EDIL3: variants seen among roughly 807,000 people sequenced by gnomAD.
The protein encoded by EDIL3 is EGF like and discoidin domains 3, also known as EGF-like repeat and discoidin I-like domain-containing protein 3.
In EDIL3, 37 loss-of-function variants were observed where a neutral mutation model predicts 67.4. That is an observed-to-expected ratio of 0.55 (90% CI 0.42 to 0.72). EDIL3 has a LOEUF of 0.72. Among genes scored for constraint, EDIL3 ranks in the 30% least tolerant of loss-of-function variants. EDIL3 has a pLI of 0.00. For synonymous variants in EDIL3, 195 were observed against 196.3 expected, an observed-to-expected ratio of 0.99 and a Z score of 0.05; for missense variants, 527 against 586.3, an observed-to-expected ratio of 0.90 and a Z score of 1.04.
chr5:84,054,405 G>A (rs1267720792), intron 9 of EDIL3, among the ~76,000 whole-genome samples: 4 of 152,248 alleles, frequency 2.6e-5, no homozygotes, highest in Middle Eastern at 3.4e-3. Context: ...CCACAAGACA[G>A]GGATGCCCTC....
chr5:84,060,372 T>C lies in EDIL3; in HGVS notation c.1065A>G (p.Lys355=), dbSNP rs147685138. 1.1e-5 allele frequency: 17 copies of C among 1,613,798 alleles called. No individual in the cohort carries two copies. Among genetic ancestry groups the C allele is most frequent in the Non-Finnish European group, 1.4e-5 (16 of 1,179,870 alleles). The change falls in exon 9 of 11, where the codon AAA becomes AAG. Residue 355 remains lysine (K), a synonymous_variant. Coordinates refer to ENST00000296591, the MANE Select transcript of EDIL3 (RefSeq NM_005711.5). The part of the protein sequence containing the change: ...NMDMFTWEPR[K]ARLDKQGKVN... Reference sequence around the variant, plus strand: ...CTTTGCCTTGCTTGTCCAGCCGAGCTTTCCTTGGTTCCCAAGTGAACATGT... The same window carrying C: ...CTTTGCCTTGCTTGTCCAGCCGAGCCTTCCTTGGTTCCCAAGTGAACATGT...
At chr5:84,369,348 G>A (rs1259626428) in intron 1 of EDIL3, among the ~76,000 whole-genome samples, 1 of 151,644 alleles carries the variant, frequency 6.6e-6, no homozygotes, top group Non-Finnish European at 1.5e-5. Flanking sequence ...AAAAAGGAAC[G>A]ACAACACAAC....
At chr5:83,960,789 G>A (rs887629837) in intron 10 of EDIL3, among the ~76,000 whole-genome samples, 1 of 150,868 alleles carries the variant, frequency 6.6e-6, no homozygotes, top group Non-Finnish European at 1.5e-5. Context: ...ATCTAAAAGA[G>A]TGCAAAAATA....
intron 4 of EDIL3, among the ~76,000 whole-genome samples, chr5:84,178,210 T>G (rs1748953793): frequency 6.6e-6 from 1 of 152,186 alleles, no homozygotes; most frequent in South Asian, 2.1e-4. Flanking sequence ...TCAGTGTATA[T>G]GAGAGTCAAC....
chr5:84,160,658 T>G (rs1360460810), intron 4 of EDIL3, among the ~76,000 whole-genome samples: 1 of 152,074 alleles, frequency 6.6e-6, no homozygotes, highest in African/African-American at 2.4e-5. Flanking sequence ...CTCCCAGTTA[T>G]TCCCAGTTTA....
intron 3 of EDIL3, among the ~76,000 whole-genome samples, chr5:84,210,066 A>G (rs1744087417): frequency 6.6e-6 from 1 of 152,248 alleles, no homozygotes; most frequent in Non-Finnish European, 1.5e-5. Context: ...TTTACAGGTT[A>G]AAATTAGCAT....
chr5:84,183,683 AG>A (rs759284224), intron 3 of EDIL3, among the ~76,000 whole-genome samples: 3 of 152,186 alleles, frequency 2.0e-5, no homozygotes, highest in Non-Finnish European at 4.4e-5. Context: ...ATTACCGAAG[AG>A]AGTGGAGTAA....
chr5:84,189,294 T>G (rs1403431746), intron 3 of EDIL3, among the ~76,000 whole-genome samples: 1 of 151,772 alleles, frequency 6.6e-6, no homozygotes, highest in Admixed American at 6.6e-5. Context: ...GGAGGACACA[T>G]TAAGAAAGGA....
At chr5:84,316,791 A>C (rs1052582063) in intron 1 of EDIL3, among the ~76,000 whole-genome samples, 7 of 152,132 alleles carry the variant, frequency 4.6e-5, no homozygotes, top group Non-Finnish European at 7.4e-5. Context: ...CTCCACCCTA[A>C]ATCAACAGAA....
intron 6 of EDIL3, among the ~76,000 whole-genome samples, chr5:84,091,125 C>T (rs1024937273): frequency 1.3e-5 from 2 of 152,110 alleles, no homozygotes; most frequent in Non-Finnish European, 2.9e-5. Flanking sequence ...GAAGAGGTTA[C>T]AAATGCTTTA....
At chr5:84,003,368 T>G (rs1745363827) in intron 9 of EDIL3, among the ~76,000 whole-genome samples, 1 of 152,126 alleles carries the variant, frequency 6.6e-6, no homozygotes, top group Non-Finnish European at 1.5e-5. Flanking sequence ...ACAAAAAGCC[T>G]GAGCTATCCC....
intron 9 of EDIL3, among the ~76,000 whole-genome samples, chr5:83,972,665 T>C (rs574387850): frequency 6.6e-6 from 1 of 152,162 alleles, no homozygotes; most frequent in African/African-American, 2.4e-5. Context: ...TAAGACTCCA[T>C]GTATACGAAT....
chr5:84,228,131 A>G (rs1413367495), intron 3 of EDIL3, among the ~76,000 whole-genome samples: 1 of 152,026 alleles, frequency 6.6e-6, no homozygotes, highest in East Asian at 1.9e-4. Context: ...TCAATAGCCC[A>G]TGTAGCTAGT....
chr5:84,144,438 G>C (rs1282056475), intron 4 of EDIL3, among the ~76,000 whole-genome samples: 2 of 152,096 alleles, frequency 1.3e-5, no homozygotes, highest in African/African-American at 4.8e-5. Context: ...ATCAGTTACA[G>C]TGTAAGGTAA....
At chr5:84,078,822 A>T (rs1159259842) in intron 6 of EDIL3, 2 of 152,198 alleles carry the variant, frequency 1.3e-5, no homozygotes, top group Non-Finnish European at 2.9e-5. Flanking sequence ...TGTTGAATAC[A>T]GAGGTCCTAA....
chr5:84,252,806 T>A (rs998025539), intron 2 of EDIL3, among the ~76,000 whole-genome samples: 4 of 152,054 alleles, frequency 2.6e-5, no homozygotes, highest in African/African-American at 9.7e-5. Flanking sequence ...GAAGCCTGGG[T>A]CAAAGTGGTT....
In EDIL3 at chr5:84,087,651, G is replaced by C. The variant is rs2301095; in HGVS notation, c.651+18998C>G. Among the ~76,000 whole-genome samples the C allele has an allele frequency of 9.9e-3, 1,502 of 152,276 alleles. 59 individuals are homozygous for C. The East Asian group carries it at 0.1, about 10-fold the overall frequency. On this transcript the variant is annotated intron_variant, in intron 6 of 10. Coordinates refer to ENST00000296591, the MANE Select transcript of EDIL3 (RefSeq NM_005711.5). ...ACTGAGATTGACGAGAATACAAAGA[G>C]AGCCAACAAATAGTATTCCTGCCCT...
At chr5:84,005,635 T>TA (rs901162877) in intron 9 of EDIL3, among the ~76,000 whole-genome samples, 1 of 151,974 alleles carries the variant, frequency 6.6e-6, no homozygotes, top group Non-Finnish European at 1.5e-5. Flanking sequence ...CCCTTCTTGT[T>TA]AAAACCCACA....
At chr5:84,158,397 A>C (rs1278197708) in intron 4 of EDIL3, among the ~76,000 whole-genome samples, 1 of 152,026 alleles carries the variant, frequency 6.6e-6, no homozygotes, top group Admixed American at 6.6e-5. Flanking sequence ...TACACACACA[A>C]ATTCAGCTGC....
Sources: gnomAD v4.1 joint callset for allele counts (sites outside exome capture counted in the v4.1 genomes callset) on GRCh38, gnomAD v4.1.1 for gene constraint, MANE v1.5 for transcripts, NCBI Gene and HGNC (gene_info 2026-07-23, HGNC 2026-07-21) for gene names.